The following ERCC5 variants were observed in gnomAD, a reference collection of about 807,000 sequenced individuals.
The protein encoded by ERCC5 is DNA excision repair protein ERCC-5.
ERCC5 carries 68 observed loss-of-function variants against 105.6 expected under a neutral mutation model. The ratio of observed to expected loss-of-function variants is 0.64; its 90% CI spans 0.53 to 0.79. The LOEUF is 0.79. ERCC5 is among the 30% of genes least tolerant of loss of function. The pLI, the probability that ERCC5 is intolerant of heterozygous loss-of-function variation, is 0.00. For missense variants in ERCC5, 1,373 were observed against 1,426.7 expected (o/e 0.96, Z 0.61); for synonymous variants, 546 against 526.2 (o/e 1.04, Z -0.51).
chr13:102,863,979 T>G (rs1359157044), intron 8 of ERCC5, among the ~76,000 whole-genome samples: 1 of 152,162 alleles, frequency 6.6e-6, no homozygotes, highest in African/African-American at 2.4e-5. Flanking sequence ...TTTAAGATAA[T>G]ATATATGAAA....
intron 11 of ERCC5, 118 bp downstream of exon 11, chr13:102,866,963 A>C: frequency 1.9e-6 from 2 of 1,065,902 alleles, no homozygotes; most frequent in Non-Finnish European, 2.7e-6. Flanking sequence ...GGTCTATGCA[A>C]ATTTTTATAT....
chr13:102,875,963 A>G lies in ERCC5; in HGVS notation c.*60A>G, dbSNP rs2140544477. ...CAGCCATTTGTAATGAATTTGTCGCAAAGACGTAATAAAATTAACTGGTGG... is the reference window on the plus strand; with the variant it reads ...CAGCCATTTGTAATGAATTTGTCGCGAAGACGTAATAAAATTAACTGGTGG... On this transcript the variant is annotated 3_prime_UTR_variant, in exon 15 of 15. Coordinates refer to ENST00000652225, the MANE Select transcript of ERCC5 (RefSeq NM_000123.4). The G allele has an allele frequency of 6.3e-7, 1 of 1,584,270 alleles. No individual in the cohort carries two copies.
At chr13:102,871,630 TAA>T (rs1318527414) in intron 12 of ERCC5, among the ~76,000 whole-genome samples, 1 of 134,196 alleles carries the variant, frequency 7.5e-6, no homozygotes, top group Non-Finnish European at 1.6e-5. Context: ...TATATATATA[TAA>T]AATGTTAAAT....
chr13:102,861,608 T>G lies in ERCC5; in HGVS notation c.774T>G (p.His258Gln), dbSNP rs1882620497. 6.2e-7 allele frequency: 1 copy of G among 1,614,146 alleles called. No individual in the cohort carries two copies. Among genetic ancestry groups the G allele is most frequent in the African/African-American group, 1.3e-5 (1 of 75,046 alleles). ...EHVQKEMNQQ[H>Q]SGHIRRQYED... ...TCCAAAAGGAAATGAATCAGCAACA[T>G]TCAGGACACATCCGAAGGCAGTATG... The change falls in exon 7 of 15, where the codon CAT becomes CAG. Residue 258 changes from histidine to glutamine, a missense_variant. Transcript: ENST00000652225.
chr13:102,849,599 A>C (rs1255578112), intron 1 of ERCC5: 1 of 365,304 alleles, frequency 2.7e-6, no homozygotes, highest in African/African-American at 2.1e-5. Flanking sequence ...ATGTTAGTAA[A>C]AGTTAGGCAG....
At position 102,865,189 on chromosome 13, in the gene ERCC5, A is replaced by G; in HGVS notation, c.1955-478A>G. ...CAGGGAAGGAAGGCAACCATTAAAT[A>G]TATTTTAAGGAGAAGGAAAGACAGT... is the stretch of plus-strand genomic sequence containing the variant. On this transcript the variant is annotated intron_variant, in intron 8 of 14. Transcript: ENST00000652225. The surrounding 1 kb of genome is among the most constrained non-coding windows in gnomAD (Gnocchi z 4.0). 1 of 194,828 alleles carries G rather than the reference A, an allele frequency of 5.1e-6. No homozygotes were observed. Among genetic ancestry groups the G allele is most frequent in the Non-Finnish European group, 1.1e-5 (1 of 94,284 alleles). The allele number at this position is 194,828 out of a possible 1,614,324, so 12.1% of individuals were successfully genotyped here.
Position 102,868,149 on chromosome 13 carries a change from T to C in ERCC5, c.2570T>C (p.Leu857Ser). The stretch of plus-strand genomic sequence containing the variant: ...AATAAGTTAATAAATTTGGCTTATT[T>C]GCTTGGAAGTGATTATACCGAAGGA... ...DRNKLINLAY[L>S]LGSDYTEGIP... The change falls in exon 12 of 15, where the codon TTG (leucine) becomes TCG (serine). Residue 857 changes from leucine to serine, a missense_variant. By Grantham distance (145) the Leu-to-Ser change is moderately radical (BLOSUM62 -2). Transcript: ENST00000652225. The C allele has an allele frequency of 6.2e-7, 1 of 1,614,178 alleles. No homozygotes were observed.
rs1351455296 is a variant in ERCC5 at position 102,859,410 on chromosome 13, A to G, written c.672+992A>G. 3.3e-5 allele frequency among the ~76,000 whole-genome samples: 5 copies of G among 152,278 alleles called. No homozygotes were observed. The East Asian group carries it at 9.6e-4, about 29-fold the overall frequency. ...TGCAGTAGCACACACTAAGGTGCACAGAAGTGACATTCTTGGGTCTTTGGA... is the reference window on the plus strand; with the variant it reads ...TGCAGTAGCACACACTAAGGTGCACGGAAGTGACATTCTTGGGTCTTTGGA... On this transcript the variant is annotated intron_variant, in intron 6 of 14. Transcript: ENST00000652225.
In ERCC5 at chr13:102,854,250, G is replaced by C. The variant is rs758670197; in HGVS notation, c.381-38G>C. 3 of 1,607,584 alleles carry C rather than the reference G, an allele frequency of 1.9e-6. No individual in the cohort carries two copies. The South Asian group carries it at 3.3e-5, about 18-fold the overall frequency. On this transcript the variant is annotated intron_variant, in intron 3 of 14. Transcript: ENST00000652225. ...GTCCCTGTTCACCATCCTGAGCAGG[G>C]TCTGCATAATCTGTTTAAAGATTTG...
Position 102,851,529 on chromosome 13 carries a change from G to A in ERCC5, c.89-589G>A, listed in dbSNP as rs113288916. Among the ~76,000 whole-genome samples, 4 of 152,244 alleles carry A rather than the reference G, an allele frequency of 2.6e-5. No homozygotes were observed. In the South Asian group the frequency reaches 6.2e-4, roughly 24 times the overall value. ...AGGATGGTCTCGATCTCTTGATCTC[G>A]TGATCCACCTGCCTCGGCCTCCCAA... On this transcript the variant is annotated intron_variant, in intron 1 of 14. Coordinates refer to ENST00000652225, the MANE Select transcript of ERCC5 (RefSeq NM_000123.4).
intron 11 of ERCC5, among the ~76,000 whole-genome samples, chr13:102,867,897 C>T (rs1882895067): frequency 6.6e-6 from 1 of 151,706 alleles, no homozygotes. Flanking sequence ...TGGGGGTCAG[C>T]GTATAGAGGG....
chr13:102,853,639 C>A, intron 2 of ERCC5, 118 bp from the exon 3 acceptor site: 1 of 1,006,760 alleles, frequency 9.9e-7, no homozygotes, highest in Admixed American at 2.2e-5. Flanking sequence ...GGAGGAAATG[C>A]TAAAGCAGCC....
Position 102,858,270 on chromosome 13 carries a change from T to C in ERCC5, c.529-5T>C, listed in dbSNP as rs769022902. On this transcript the variant is annotated splice_polypyrimidine_tract_variant and splice_region_variant and intron_variant, in intron 5 of 14. Coordinates refer to ENST00000652225, the MANE Select transcript of ERCC5 (RefSeq NM_000123.4). ...TTTCATGGTGCTGTGATTTTATCTTTACAGGAAGAGTTCTTTCATAATCCT... is the reference window on the plus strand; with the variant it reads ...TTTCATGGTGCTGTGATTTTATCTTCACAGGAAGAGTTCTTTCATAATCCT... The C allele has an allele frequency of 3.7e-6, 6 of 1,614,152 alleles. No homozygotes were observed. Among genetic ancestry groups the C allele is most frequent in the Middle Eastern group, 1.6e-4 (1 of 6,062 alleles).
At chr13:102,858,940 A>T (rs1595380876) in intron 6 of ERCC5, 1 of 456,056 alleles carries the variant, frequency 2.2e-6, no homozygotes, top group East Asian at 6.9e-5. Flanking sequence ...AGCCCTAGAG[A>T]TGCCATTGGC....
At chr13:102,866,874 T>C in intron 11 of ERCC5, 29 bp downstream of exon 11, 1 of 1,578,726 alleles carries the variant, frequency 6.3e-7, no homozygotes, top group East Asian at 2.3e-5. Flanking sequence ...TTTGATTACT[T>C]TCTGACATTT....
chr13:102,849,752 A>C (rs1465957694), intron 1 of ERCC5, among the ~76,000 whole-genome samples: 1 of 152,160 alleles, frequency 6.6e-6, no homozygotes, highest in Non-Finnish European at 1.5e-5. Flanking sequence ...TTTCCCTGCT[A>C]GATTATAAAC....
intron 2 of ERCC5, among the ~76,000 whole-genome samples, chr13:102,852,794 T>C (rs1198929039): frequency 6.6e-6 from 1 of 152,120 alleles, no homozygotes; most frequent in Admixed American, 6.5e-5. Context: ...TATAGAAGAG[T>C]CAGAATGAGT....
intron 2 of ERCC5, among the ~76,000 whole-genome samples, chr13:102,852,647 C>T (rs1430804750): frequency 2.0e-5 from 3 of 152,162 alleles, no homozygotes; most frequent in Non-Finnish European, 4.4e-5. Context: ...TGGGAAGTGC[C>T]TCCCTGAATC....
intron 1 of ERCC5, among the ~76,000 whole-genome samples, chr13:102,849,933 GT>G (rs1555325183): frequency 0.23 from 32,487 of 142,738 alleles, 3,837 homozygotes; most frequent in African/African-American, 0.26. Context: ...GTTTCTCTCT[GT>G]TTTTTTTTTC....
Sources: gnomAD v4.1 joint callset for allele counts (sites outside exome capture counted in the v4.1 genomes callset) on GRCh38, gnomAD v4.1.1 for gene constraint, Gnocchi (gnomAD v3.1) non-coding constraint, MANE v1.5 for transcripts, NCBI Gene and HGNC (gene_info 2026-07-23, HGNC 2026-07-21) for gene names.